Variants in CSMD2 observed in about 807,000 individuals in gnomAD.
The protein encoded by CSMD2 is CUB and Sushi multiple domains 2, also known as CUB and sushi domain-containing protein 2.
Under a neutral mutation model 398.5 loss-of-function variants are expected in CSMD2, and 130 were observed. That is an observed-to-expected ratio of 0.33 (90% CI 0.28 to 0.38). The LOEUF (loss-of-function observed/expected upper bound fraction) is 0.38. Among genes scored for constraint, CSMD2 ranks in the 10% least tolerant of loss-of-function variants. The pLI is 1.00. For synonymous variants in CSMD2, 1,828 were observed against 1,908.5 expected, an observed-to-expected ratio of 0.96 and a Z score of 1.10; for missense variants, 3,829 against 4,764.9, an observed-to-expected ratio of 0.80 and a Z score of 5.78.
chr1:34,119,733 T>C (rs1661975694), intron 1 of CSMD2, among the ~76,000 whole-genome samples: 1 of 152,162 alleles, frequency 6.6e-6, no homozygotes, highest in Non-Finnish European at 1.5e-5. Flanking sequence ...ACCTCACACC[T>C]GTTACAATAG....
intron 29 of CSMD2, among the ~76,000 whole-genome samples, chr1:33,642,604 C>A (rs1433012379): frequency 6.6e-6 from 1 of 152,038 alleles, no homozygotes; most frequent in Non-Finnish European, 1.5e-5. Flanking sequence ...TGCTTTCTGC[C>A]CTTGGGCTCT....
intron 10 of CSMD2, among the ~76,000 whole-genome samples, chr1:33,798,952 G>A (rs894137231): frequency 6.6e-6 from 1 of 152,256 alleles, no homozygotes; most frequent in Non-Finnish European, 1.5e-5. Flanking sequence ...CTTGTGGGAA[G>A]CTAGAGTCCC....
chr1:33,871,321 A>T (rs1239141584), intron 5 of CSMD2, among the ~76,000 whole-genome samples: 1 of 152,224 alleles, frequency 6.6e-6, no homozygotes, highest in Non-Finnish European at 1.5e-5. Context: ...CAATTGCCTC[A>T]AAGACAATTG....
At chr1:33,702,328 GA>G (rs1178696171) in intron 22 of CSMD2, among the ~76,000 whole-genome samples, 1 of 152,162 alleles carries the variant, frequency 6.6e-6, no homozygotes, top group Non-Finnish European at 1.5e-5. Flanking sequence ...CTGGATATAT[GA>G]TGCTATTAAG....
At chr1:33,706,865 A>G (rs1353295165) in intron 22 of CSMD2, among the ~76,000 whole-genome samples, 1 of 150,638 alleles carries the variant, frequency 6.6e-6, no homozygotes, top group African/African-American at 2.5e-5. Flanking sequence ...GTGCGTGTGC[A>G]TGTGTGTGCA....
At chr1:34,027,282 A>G (rs1002353768) in intron 3 of CSMD2, among the ~76,000 whole-genome samples, 2 of 152,130 alleles carry the variant, frequency 1.3e-5, no homozygotes, top group Non-Finnish European at 2.9e-5. Flanking sequence ...CAGGTGCTTC[A>G]CCTTACCTAC....
intron 2 of CSMD2, among the ~76,000 whole-genome samples, chr1:34,085,138 C>G (rs1051318770): frequency 6.6e-6 from 1 of 152,034 alleles, no homozygotes; most frequent in Non-Finnish European, 1.5e-5. Context: ...GGACAAAAAA[C>G]CAAACACCGC....
intron 13 of CSMD2, among the ~76,000 whole-genome samples, chr1:33,769,621 G>A (rs1235807211): frequency 6.6e-6 from 1 of 152,164 alleles, no homozygotes; most frequent in Non-Finnish European, 1.5e-5. Flanking sequence ...GCTTGCTACA[G>A]AAAATGTTTT....
intron 5 of CSMD2, among the ~76,000 whole-genome samples, chr1:33,906,869 A>G (rs1216845427): frequency 1.3e-5 from 2 of 152,088 alleles, no homozygotes; most frequent in Admixed American, 6.5e-5. Flanking sequence ...GCAGAGCAGT[A>G]CAGCAAGAAG....
intron 13 of CSMD2, among the ~76,000 whole-genome samples, chr1:33,767,919 C>T (rs2149318615): frequency 6.6e-6 from 1 of 152,306 alleles, no homozygotes; most frequent in East Asian, 1.9e-4. Context: ...CAGGGCAAGA[C>T]TTGCAGCAAG....
chr1:33,627,675 A>G (rs1642213408), intron 32 of CSMD2, among the ~76,000 whole-genome samples: 1 of 152,244 alleles, frequency 6.6e-6, no homozygotes, highest in Non-Finnish European at 1.5e-5. Flanking sequence ...GTGACCCAGA[A>G]GGCTGAGCCT....
At chr1:34,014,033 C>G (rs1454619491) in intron 3 of CSMD2, among the ~76,000 whole-genome samples, 1 of 152,200 alleles carries the variant, frequency 6.6e-6, no homozygotes, top group East Asian at 1.9e-4. Context: ...GTTGATCCCC[C>G]CAAACCCTGG....
intron 37 of CSMD2, among the ~76,000 whole-genome samples, chr1:33,621,527 A>G (rs996343141): frequency 6.6e-6 from 1 of 152,154 alleles, no homozygotes; most frequent in Admixed American, 6.5e-5. Context: ...CTCAATAAAT[A>G]TTTGCCGAAT....
intron 1 of CSMD2, among the ~76,000 whole-genome samples, chr1:34,144,678 G>T (rs1214973711): frequency 6.6e-6 from 1 of 152,172 alleles, no homozygotes; most frequent in African/African-American, 2.4e-5. Flanking sequence ...ATCTCTCCAT[G>T]TGACTCCTCT....
intron 25 of CSMD2, among the ~76,000 whole-genome samples, chr1:33,686,546 T>G (rs780668045): frequency 2.0e-5 from 3 of 152,234 alleles, no homozygotes; most frequent in Non-Finnish European, 4.4e-5. Context: ...CAGGACCCAT[T>G]TTCCAGCTTG....
intron 3 of CSMD2, among the ~76,000 whole-genome samples, chr1:34,008,430 A>C (rs905044439): frequency 2.0e-5 from 3 of 152,346 alleles, no homozygotes; most frequent in African/African-American, 7.2e-5. Flanking sequence ...CATACAAAGT[A>C]CTGTGGATGG....
chr1:33,813,115 C>T (rs1358431730), intron 9 of CSMD2: 1 of 152,210 alleles, frequency 6.6e-6, no homozygotes, highest in Non-Finnish European at 1.5e-5. Flanking sequence ...AAGCCCTCAG[C>T]TTCAGAATCA....
At position 33,634,222 on chromosome 1, in the gene CSMD2, G is replaced by A. The variant is rs568499316; in HGVS notation, c.5087-687C>T. On this transcript the variant is annotated intron_variant, in intron 31 of 70. Coordinates refer to ENST00000373381, the MANE Select transcript of CSMD2 (RefSeq NM_001281956.2). Reference sequence around the variant, plus strand: ...GGGTGTACTGATGGCTGGAGCTATGGGTAGAGATGAGACTGGGAATTTATA... The same window carrying A: ...GGGTGTACTGATGGCTGGAGCTATGAGTAGAGATGAGACTGGGAATTTATA... Among the ~76,000 whole-genome samples the A allele has an allele frequency of 2.0e-5, 3 of 152,248 alleles. No homozygotes were observed. In the South Asian group the frequency reaches 6.2e-4, roughly 32 times the overall value.
At chr1:33,833,859 GACAA>G (rs1251463057) in intron 6 of CSMD2, among the ~76,000 whole-genome samples, 2 of 151,608 alleles carry the variant, frequency 1.3e-5, no homozygotes, top group Non-Finnish European at 2.9e-5. Flanking sequence ...ACTAATAACA[GACAA>G]ACAGAGAGCC....
Sources: allele counts gnomAD v4.1 joint callset (sites outside exome capture counted in the v4.1 genomes callset), GRCh38; gene constraint gnomAD v4.1.1; transcripts MANE v1.5; gene names NCBI Gene and HGNC (gene_info 2026-07-23, HGNC 2026-07-21).